The following TM2D1 variants were observed in gnomAD, a reference collection of about 807,000 sequenced individuals.
The protein encoded by TM2D1 is TM2 domain containing 1.
In TM2D1, 15 loss-of-function variants were observed where a neutral mutation model predicts 28.4. The observed-to-expected ratio is 0.53, with a 90% CI of 0.35 to 0.81. The LOEUF (loss-of-function observed/expected upper bound fraction) is 0.81, where lower values mean the gene tolerates loss of function less well. Ranked by LOEUF, TM2D1 falls within the 40% of genes least tolerant of loss-of-function variation. The probability of loss-of-function intolerance (pLI) is 0.01; values close to 1 mark genes in which losing one functional copy is unlikely to be tolerated. For missense variants in TM2D1, 236 were observed against 254.9 expected (o/e 0.93, Z 0.50); for synonymous variants, 93 against 96.2 (o/e 0.97, Z 0.20).
At position 61,724,967 on chromosome 1, in the gene TM2D1, T is replaced by C. The variant is rs778258236; in HGVS notation, c.154A>G (p.Lys52Glu). The change falls in exon 1 of 7, where the codon AAA becomes GAA. Residue 52 changes from lysine (K) to glutamate (E), a missense_variant. Lys to Glu is a moderately conservative substitution (Grantham distance 56). This residue lies in a region of TM2D1 where 167 missense variants were observed against 162.7 expected (regional missense o/e 1.03). Coordinates refer to ENST00000606498, the MANE Select transcript of TM2D1 (RefSeq NM_032027.3). ...GEESLKCEDL[K>E]VGQYICKDPK... ...CTCCACAGAGGATATTGTCCCACTT[T>C]GAGGTCCTCGCACTTAAGCGACTCC... is the stretch of plus-strand genomic sequence containing the variant. 3.3e-5 allele frequency: 53 copies of C among 1,601,186 alleles called. No homozygotes were observed. Among genetic ancestry groups the C allele is most frequent in the Non-Finnish European group, 4.0e-5 (47 of 1,170,310 alleles).
chr1:61,706,351 G>A (rs1570114521), intron 3 of TM2D1, among the ~76,000 whole-genome samples: 2 of 152,146 alleles, frequency 1.3e-5, no homozygotes, highest in East Asian at 3.9e-4. Context: ...CTACAGACAT[G>A]CACCACCAGC....
At chr1:61,683,067 T>C (rs1644259148) in intron 6 of TM2D1, among the ~76,000 whole-genome samples, 1 of 152,116 alleles carries the variant, frequency 6.6e-6, no homozygotes, top group Non-Finnish European at 1.5e-5. Flanking sequence ...TTAAAGATTA[T>C]ACTGACCCTT....
intron 3 of TM2D1, among the ~76,000 whole-genome samples, chr1:61,706,492 C>T (rs1011153364): frequency 6.6e-6 from 1 of 151,754 alleles, no homozygotes; most frequent in Non-Finnish European, 1.5e-5. Flanking sequence ...GCCACCACGC[C>T]GAGCCACAAA....
chr1:61,691,632 G>A (rs1433719944), intron 5 of TM2D1, among the ~76,000 whole-genome samples: 1 of 151,034 alleles, frequency 6.6e-6, no homozygotes, highest in African/African-American at 2.4e-5. Context: ...AAAATATAAG[G>A]AGGCTGGGTG....
At chr1:61,690,472 A>C (rs1423637298) in intron 5 of TM2D1, among the ~76,000 whole-genome samples, 2 of 151,332 alleles carry the variant, frequency 1.3e-5, no homozygotes, top group East Asian at 1.9e-4. Context: ...AAAAAAAAAA[A>C]AAAAAAAAAC....
intron 2 of TM2D1, among the ~76,000 whole-genome samples, chr1:61,719,865 A>C (rs1644549780): frequency 6.6e-6 from 1 of 152,218 alleles, no homozygotes; most frequent in Non-Finnish European, 1.5e-5. Context: ...CGCCAAATAA[A>C]AAGATAAAAA....
At chr1:61,723,558 A>C (rs1020057204) in intron 2 of TM2D1, among the ~76,000 whole-genome samples, 155 bp downstream of exon 2, 1 of 152,180 alleles carries the variant, frequency 6.6e-6, no homozygotes, top group East Asian at 1.9e-4. Flanking sequence ...GACAACCTCT[A>C]GGTAGTTCTC....
chr1:61,709,436 A>C lies in TM2D1; in HGVS notation c.240T>G (p.Val80=), dbSNP rs377451619. The C allele has an allele frequency of 1.6e-5, 25 of 1,607,814 alleles. No individual in the cohort carries two copies. Among genetic ancestry groups the C allele is most frequent in the Non-Finnish European group, 1.9e-5 (22 of 1,174,850 alleles). The change falls in exon 3 of 7, where the codon GTT becomes GTG. Residue 80 remains valine (V), a splice_region_variant and synonymous_variant. Coordinates refer to ENST00000606498, the MANE Select transcript of TM2D1 (RefSeq NM_032027.3). The part of the protein sequence containing the change: ...PVNCTNYTAH[V]SCFPAPNITC... Reference sequence around the variant, plus strand: ...TTATGTTGGGTGCTGGAAAACAGGAAACTGAAGGCAGAAAAAGTCAAGAAA... The same window carrying C: ...TTATGTTGGGTGCTGGAAAACAGGACACTGAAGGCAGAAAAAGTCAAGAAA...
intron 5 of TM2D1, among the ~76,000 whole-genome samples, chr1:61,691,932 A>AATATATATATATAT (rs1163953838): frequency 5.0e-4 from 38 of 76,280 alleles, no homozygotes; most frequent in South Asian, 8.8e-4. Context: ...AAAAAAAAAA[A>AATATATATATATAT]ATATATATAT....
intron 5 of TM2D1, among the ~76,000 whole-genome samples, chr1:61,692,822 C>T (rs1644338775): frequency 6.6e-6 from 1 of 152,138 alleles, no homozygotes; most frequent in Admixed American, 6.6e-5. Context: ...TGAAAGCAGT[C>T]TAAACTGATC....
At chr1:61,724,766 A>G (rs559093138) in intron 1 of TM2D1, 191 bp downstream of exon 1, 1 of 540,368 alleles carries the variant, frequency 1.9e-6, no homozygotes, top group African/African-American at 1.9e-5. Flanking sequence ...TAAGGAAATC[A>G]CAAAGGGTGG....
At chr1:61,706,760 T>TG (rs1232835333) in intron 3 of TM2D1, among the ~76,000 whole-genome samples, 1 of 150,252 alleles carries the variant, frequency 6.7e-6, no homozygotes, top group East Asian at 2.0e-4. Flanking sequence ...CGGAGGTTGG[T>TG]GGAGGTTGCA....
intron 3 of TM2D1, among the ~76,000 whole-genome samples, chr1:61,704,448 T>C (rs1486560135): frequency 1.3e-5 from 2 of 152,100 alleles, no homozygotes; most frequent in Admixed American, 6.6e-5. Flanking sequence ...TTTGTTTTTT[T>C]GAGATTTAGT....
chr1:61,725,092 G>C lies in TM2D1; in HGVS notation c.29C>G (p.Ser10Cys), dbSNP rs770892201. The C allele has an allele frequency of 1.9e-6, 3 of 1,613,740 alleles. No individual in the cohort carries two copies. Among genetic ancestry groups the C allele is most frequent in the Non-Finnish European group, 2.5e-6 (3 of 1,179,900 alleles). Residue 10 changes from serine to cysteine, a missense_variant, in exon 1 of 7, where the codon TCT becomes TGT. By Grantham distance (112) the Ser-to-Cys change is moderately radical. Coordinates refer to ENST00000606498, the MANE Select transcript of TM2D1 (RefSeq NM_032027.3). MAAAWPSGPSAPEAVTARLV... is the reference protein window; with the variant it reads MAAAWPSGPCAPEAVTARLV... ...TCTGGCCGTCACGGCCTCCGGAGCA[G>C]ACGGACCAGACGGCCAGGCGGCCGC...
chr1:61,682,567 G>C (rs1050235935), intron 6 of TM2D1, among the ~76,000 whole-genome samples: 5 of 152,186 alleles, frequency 3.3e-5, no homozygotes, highest in African/African-American at 1.2e-4. Flanking sequence ...CCAGGAAAAA[G>C]GATGGTATCT....
chr1:61,700,792 A>G, intron 4 of TM2D1, 142 bp downstream of exon 4: 1 of 617,332 alleles, frequency 1.6e-6, no homozygotes, highest in Non-Finnish European at 2.8e-6. Flanking sequence ...TGATAGCTCT[A>G]TACTCACAGA....
At chr1:61,691,181 C>T (rs35138123) in intron 5 of TM2D1, among the ~76,000 whole-genome samples, 19,494 of 151,934 alleles carry the variant, frequency 0.13, 1,529 homozygotes, top group Non-Finnish European at 0.17. Context: ...GCAGAATATA[C>T]GTCAGTGATT....
intron 5 of TM2D1, among the ~76,000 whole-genome samples, chr1:61,687,453 ATGT>A (rs1450591842): frequency 2.6e-5 from 4 of 152,134 alleles, no homozygotes. Context: ...TTTGCACTTA[ATGT>A]TGTAGTATTA....
At chr1:61,721,280 AC>A (rs1316013650) in intron 2 of TM2D1, among the ~76,000 whole-genome samples, 1 of 151,718 alleles carries the variant, frequency 6.6e-6, no homozygotes, top group African/African-American at 2.4e-5. Flanking sequence ...AGTGGCTCAC[AC>A]CTATAATCCC....
Sources: gnomAD v4.1 joint callset for allele counts (sites outside exome capture counted in the v4.1 genomes callset) on GRCh38, gnomAD v4.1.1 for gene constraint, gnomAD v4.1.1 regional missense constraint, MANE v1.5 for transcripts, NCBI Gene and HGNC (gene_info 2026-07-23, HGNC 2026-07-21) for gene names.